The following IQSEC2 variants were observed in gnomAD, a reference collection of about 807,000 sequenced individuals.
IQSEC2 encodes the protein IQ motif and SEC7 domain-containing protein 2.
Under a neutral mutation model 74.6 loss-of-function variants are expected in IQSEC2, and 6 were observed. The ratio of observed to expected loss-of-function variants is 0.08; its 90% CI spans 0.04 to 0.16. The LOEUF (loss-of-function observed/expected upper bound fraction) is 0.16. IQSEC2 is among the 10% of genes least tolerant of loss of function. The probability of loss-of-function intolerance (pLI) is 1.00; values close to 1 mark genes in which losing one functional copy is unlikely to be tolerated. For missense variants in IQSEC2, 734 were observed against 1,306.2 expected (o/e 0.56, Z 6.75); for synonymous variants, 494 against 544.5 (o/e 0.91, Z 1.29).
chrX:53,238,369 A>C, intron 11 of IQSEC2, 63 bp from the exon 12 acceptor site: 3 of 1,099,394 alleles, frequency 2.7e-6, no homozygotes, highest in Non-Finnish European at 3.8e-6. Context: ...TCATACATAA[A>C]ATAATTTTTC....
At chrX:53,281,271 G>C (rs1335869089) in intron 2 of IQSEC2, among the ~76,000 whole-genome samples, 3 of 112,749 alleles carry the variant, frequency 2.7e-5, no homozygotes, top group Non-Finnish European at 5.6e-5. Flanking sequence ...ACAGGCCACA[G>C]GCTGTGCTGC....
At chrX:53,267,013 GT>G in intron 2 of IQSEC2, 1 of 1,154,983 alleles carries the variant, frequency 8.7e-7, no homozygotes, top group East Asian at 3.3e-5. Context: ...AGCAGAACTG[GT>G]GAGCGTCTTC....
rs1428805255 is a variant in IQSEC2, at chrX:53,250,855, C to T, written c.1721G>A (p.Arg574Lys). Residue 574 changes from arginine (R) to lysine (K), a missense_variant, in exon 5 of 15, where the codon AGG (arginine) becomes AAG (lysine). Arg to Lys is a conservative substitution (Grantham distance 26). This residue lies in a region of IQSEC2 where 204 missense variants were observed against 305.4 expected (regional missense o/e 0.67). Transcript: ENST00000642864. ...CCGGCACTCCAAGCACCCGGGACCC[C>T]TGCGAGTGCCTTCCTCACGGCTACC... is the stretch of plus-strand genomic sequence containing the variant. ...EDGSREEGTR[R>K]GPGCLECRDF... 1 of 1,209,805 alleles carries T rather than the reference C, an allele frequency of 8.3e-7. No homozygotes were observed. The highest frequency in any genetic ancestry group is 1.7e-5 in the African/African-American group (1 of 57,941).
chrX:53,232,356 G>T (rs1401913965), downstream of IQSEC2, among the ~76,000 whole-genome samples: 6 of 111,904 alleles, frequency 5.4e-5, no homozygotes, highest in Admixed American at 5.7e-4. Context: ...TAGAAATGTG[G>T]CCAGCCATTG....
At chrX:53,297,127 G>A (rs1232508673) in intron 1 of IQSEC2, among the ~76,000 whole-genome samples, 2 of 110,035 alleles carry the variant, frequency 1.8e-5, no homozygotes, top group Non-Finnish European at 3.8e-5. Context: ...TCAGCCTCCT[G>A]AGTAGCTGGT....
At chrX:53,320,242 C>T (rs1394352080) in intron 1 of IQSEC2, among the ~76,000 whole-genome samples, 175 bp downstream of exon 1, 3 of 111,630 alleles carry the variant, frequency 2.7e-5, no homozygotes, top group African/African-American at 9.8e-5. Context: ...GCCAACCCAG[C>T]CTGGGGTGGC....
intron 8 of IQSEC2, 22 bp from the exon 9 acceptor site, chrX:53,243,493 G>A (rs1297196799): frequency 1.7e-6 from 2 of 1,156,450 alleles, no homozygotes; most frequent in Non-Finnish European, 2.3e-6. Context: ...AGTAACACAG[G>A]GATATGTCAC....
chrX:53,256,514 G>A (rs1312078987), intron 2 of IQSEC2, among the ~76,000 whole-genome samples: 1 of 109,950 alleles, frequency 9.1e-6, no homozygotes, highest in Non-Finnish European at 1.9e-5. Context: ...CTCCCAGTCC[G>A]ATTCCCAGCA....
intron 1 of IQSEC2, among the ~76,000 whole-genome samples, chrX:53,311,775 G>A (rs1467493400): frequency 9.0e-6 from 1 of 111,707 alleles, no homozygotes; most frequent in Non-Finnish European, 1.9e-5. Context: ...AATTAGCCAG[G>A]CATAGTGGCA....
intron 1 of IQSEC2, among the ~76,000 whole-genome samples, chrX:53,295,420 C>T (rs1000588953): frequency 2.8e-5 from 3 of 108,717 alleles, no homozygotes; most frequent in Non-Finnish European, 5.7e-5. Flanking sequence ...ATGGCTAACT[C>T]GGTGAAACCC....
intron 1 of IQSEC2, among the ~76,000 whole-genome samples, chrX:53,301,965 C>T (rs192438516): frequency 2.7e-4 from 30 of 112,141 alleles, no homozygotes; most frequent in African/African-American, 9.4e-4. Flanking sequence ...GTTATGAGTC[C>T]AGGCTTTAGG....
chrX:53,248,273 C>T, intron 6 of IQSEC2, 37 bp from the exon 7 acceptor site: 1 of 1,201,606 alleles, frequency 8.3e-7, no homozygotes, highest in Non-Finnish European at 1.1e-6. Flanking sequence ...GCTTTCAATT[C>T]CTCTGCAGAA....
chrX:53,288,368 G>C (rs1177264225), intron 2 of IQSEC2, among the ~76,000 whole-genome samples: 1 of 111,009 alleles, frequency 9.0e-6, no homozygotes, highest in African/African-American at 3.3e-5. Context: ...CCCTGTCTCC[G>C]CGGGTGTCAG....
chrX:53,263,708 T>C (rs1279182688), intron 2 of IQSEC2, among the ~76,000 whole-genome samples: 1 of 111,690 alleles, frequency 9.0e-6, no homozygotes, highest in Non-Finnish European at 1.9e-5. Context: ...TTCTGGGAAG[T>C]CAATGCTGAC....
At chrX:53,286,050 G>T (rs2075021837) in intron 2 of IQSEC2, among the ~76,000 whole-genome samples, 1 of 112,193 alleles carries the variant, frequency 8.9e-6, no homozygotes, top group African/African-American at 3.2e-5. Context: ...TATACTGGAG[G>T]TAACTATAAA....
At chrX:53,312,799 A>G (rs2075334255) in intron 1 of IQSEC2, among the ~76,000 whole-genome samples, 1 of 112,321 alleles carries the variant, frequency 8.9e-6, no homozygotes, top group South Asian at 3.7e-4. Flanking sequence ...ATATAATGAC[A>G]ATAATTCTAA....
chrX:53,318,369 G>C (rs976103484), intron 1 of IQSEC2, among the ~76,000 whole-genome samples: 1 of 112,270 alleles, frequency 8.9e-6, no homozygotes, highest in Non-Finnish European at 1.9e-5. Flanking sequence ...ACCTGGGGGG[G>C]TTCACAAAAA....
chrX:53,271,341 G>A (rs1380556304), intron 2 of IQSEC2, among the ~76,000 whole-genome samples: 1 of 112,181 alleles, frequency 8.9e-6, no homozygotes, highest in Non-Finnish European at 1.9e-5. Flanking sequence ...CTGAGAACCA[G>A]GGGTAGGATG....
At chrX:53,258,916 C>T (rs1267663783) in intron 2 of IQSEC2, among the ~76,000 whole-genome samples, 1 of 110,605 alleles carries the variant, frequency 9.0e-6, no homozygotes, top group Admixed American at 9.5e-5. Context: ...CTAGGCCTGG[C>T]GCCGTGGATC....
Sources: allele counts gnomAD v4.1 joint callset (sites outside exome capture counted in the v4.1 genomes callset), GRCh38; gene constraint gnomAD v4.1.1; regional missense constraint gnomAD v4.1.1; transcripts MANE v1.5; gene names NCBI Gene and HGNC (gene_info 2026-07-23, HGNC 2026-07-21).